The following TBX19 variants were observed in gnomAD, a reference collection of about 807,000 sequenced individuals.
The protein encoded by TBX19 is T-box transcription factor 19, also known as T-box transcription factor TBX19.
A neutral mutation model predicts 40.9 loss-of-function variants in TBX19; 33 were observed. The ratio of observed to expected loss-of-function variants is 0.81; its 90% CI spans 0.61 to 1.08. The LOEUF (loss-of-function observed/expected upper bound fraction) is 1.08. Ranked by LOEUF, TBX19 falls within the 50% of genes least tolerant of loss-of-function variation. The pLI is 0.00. For missense variants in TBX19, 494 were observed against 574.0 expected, an observed-to-expected ratio of 0.86 and a Z score of 1.42; for synonymous variants, 220 against 225.0, an observed-to-expected ratio of 0.98 and a Z score of 0.20.
chr1:168,297,871 T>C, intron 4 of TBX19, 86 bp downstream of exon 4: 2 of 1,165,764 alleles, frequency 1.7e-6, no homozygotes, highest in Non-Finnish European at 2.5e-6. Flanking sequence ...TGAAAGGAAC[T>C]AGACTAGTAG....
intron 1 of TBX19, 62 bp from the exon 2 acceptor site, chr1:168,291,098 T>G (rs1327543078): frequency 1.2e-6 from 2 of 1,611,910 alleles, no homozygotes; most frequent in African/African-American, 2.7e-5. Flanking sequence ...GAGAGGCCCC[T>G]GGACAAGGTG....
rs1248395403 is a variant in TBX19 at position 168,281,214 on chromosome 1, C to G, written c.124C>G (p.Gln42Glu). Reference sequence around the variant, plus strand: ...AGGCGACCCTACGGAGAAGCAACTTCAGATCATCCTGGAGGATGCACCTCT... The same window carrying G: ...AGGCGACCCTACGGAGAAGCAACTTGAGATCATCCTGGAGGATGCACCTCT... ...EKGDPTEKQL[Q>E]IILEDAPLWQ... The change falls in exon 1 of 8, where the codon CAG (glutamine) becomes GAG (glutamate). Residue 42 changes from glutamine (Q) to glutamate (E), a missense_variant. Coordinates refer to ENST00000367821, the MANE Select transcript of TBX19 (RefSeq NM_005149.3). 2.5e-6 allele frequency: 4 copies of G among 1,614,166 alleles called. No homozygotes were observed. The highest frequency in any genetic ancestry group is 3.4e-6 in the Non-Finnish European group (4 of 1,180,010).
intron 1 of TBX19, among the ~76,000 whole-genome samples, chr1:168,289,869 A>G (rs1166186580): frequency 1.3e-5 from 2 of 152,120 alleles, no homozygotes; most frequent in Non-Finnish European, 2.9e-5. Flanking sequence ...GGCAGAAACT[A>G]CTTCTCTGTG....
chr1:168,289,967 G>T (rs778946902), intron 1 of TBX19, among the ~76,000 whole-genome samples: 5 of 152,174 alleles, frequency 3.3e-5, no homozygotes, highest in Non-Finnish European at 7.3e-5. Flanking sequence ...TCTGAGGCAG[G>T]TGGATCGCCT....
intron 1 of TBX19, among the ~76,000 whole-genome samples, chr1:168,285,454 T>C (rs1003503): frequency 0.65 from 98,658 of 152,152 alleles, 32,145 homozygotes; most frequent in Non-Finnish European, 0.68. Flanking sequence ...CTCTTTCTTC[T>C]TGCAAACCTC....
Position 168,280,984 on chromosome 1 carries a change from C to T in TBX19, c.-107C>T. 9.4e-7 allele frequency: 1 copy of T among 1,067,404 alleles called. No individual in the cohort carries two copies. 66.1% of individuals were successfully genotyped at this position (1,067,404 alleles called of 1,614,324 possible). On this transcript the variant is annotated 5_prime_UTR_variant, in exon 1 of 8. Coordinates refer to ENST00000367821, the MANE Select transcript of TBX19 (RefSeq NM_005149.3). ...AGAGCCAGGGTATCTTCTCTCCGCT[C>T]CCCAAGCACTGTTCAAGTGGGTTTG...
rs1649565903 is a variant in TBX19, at chr1:168,313,058, A to C, written c.*56A>C. On this transcript the variant is annotated 3_prime_UTR_variant, in exon 8 of 8. Coordinates refer to ENST00000367821, the MANE Select transcript of TBX19 (RefSeq NM_005149.3). ...ATCCTTCCATGTGTAGAGTGCTTAGAAACCCCATCAACTGATCTAGTGAGT... is the reference window on the plus strand; with the variant it reads ...ATCCTTCCATGTGTAGAGTGCTTAGCAACCCCATCAACTGATCTAGTGAGT... The C allele has an allele frequency of 1.0e-5, 16 of 1,601,640 alleles. No individual in the cohort carries two copies. Among genetic ancestry groups the C allele is most frequent in the Non-Finnish European group, 1.3e-5 (15 of 1,169,762 alleles).
chr1:168,309,604 C>G (rs1199409560), intron 7 of TBX19, among the ~76,000 whole-genome samples: 1 of 152,130 alleles, frequency 6.6e-6, no homozygotes, highest in South Asian at 2.1e-4. Flanking sequence ...TGCCTGGCCT[C>G]ACGACCCTGG....
chr1:168,310,030 G>A (rs1448619109), intron 7 of TBX19, among the ~76,000 whole-genome samples: 3 of 152,058 alleles, frequency 2.0e-5, no homozygotes, highest in South Asian at 4.1e-4. Context: ...GGCGGGGTGC[G>A]GTGGCTAACA....
intron 7 of TBX19, among the ~76,000 whole-genome samples, chr1:168,310,794 A>G (rs1649502950): frequency 6.8e-6 from 1 of 146,712 alleles, no homozygotes; most frequent in South Asian, 2.1e-4. Flanking sequence ...GTATAAAAAT[A>G]TATATTTTAA....
At chr1:168,304,908 C>T in intron 5 of TBX19, 100 bp from the exon 6 acceptor site, 1 of 1,221,944 alleles carries the variant, frequency 8.2e-7, no homozygotes, top group Middle Eastern at 2.3e-4. Flanking sequence ...GCATCAGTGT[C>T]ATTTACAAGA....
chr1:168,300,495 G>T lies in TBX19; in HGVS notation c.727+12G>T. The T allele has an allele frequency of 6.2e-7, 1 of 1,613,762 alleles. No individual in the cohort carries two copies. Among genetic ancestry groups the T allele is most frequent in the Non-Finnish European group, 8.5e-7 (1 of 1,179,776 alleles). On this transcript the variant is annotated intron_variant, in intron 5 of 7. Transcript: ENST00000367821. ...GACCTATTCTCACTGTGAGTTGGGT[G>T]TACATGAGGCGGGAGGTGCGTGGGG...
intron 3 of TBX19, 86 bp downstream of exon 3, chr1:168,293,364 G>A (rs994905459): frequency 2.7e-6 from 4 of 1,488,438 alleles, no homozygotes; most frequent in Non-Finnish European, 3.6e-6. Flanking sequence ...ATGGGCGGGG[G>A]GGGTCCTTTT....
chr1:168,291,853 G>A (rs1648952114), intron 2 of TBX19, among the ~76,000 whole-genome samples: 1 of 151,842 alleles, frequency 6.6e-6, no homozygotes, highest in African/African-American at 2.4e-5. Flanking sequence ...CTCCACTTGG[G>A]CATTATGATA....
intron 1 of TBX19, among the ~76,000 whole-genome samples, chr1:168,290,161 A>G (rs538330123): frequency 6.6e-6 from 1 of 152,308 alleles, no homozygotes; most frequent in South Asian, 2.1e-4. Context: ...AGAAGTCTAA[A>G]TAGAATAGGG....
Position 168,312,997 on chromosome 1 carries a change from G to A in TBX19, c.1342G>A (p.Gly448Ser). ...GGHHSPSSLD[G>S] is the part of the protein sequence containing the mutation. ...GCACCATTCTCCTTCCTCACTGGAT[G>A]GTTAAGCAGGATCCTAGGAGCCTCT... Residue 448 changes from glycine to serine, a missense_variant, in exon 8 of 8, where the codon GGT becomes AGT. Gly to Ser is a moderately conservative substitution (Grantham distance 56). Coordinates refer to ENST00000367821, the MANE Select transcript of TBX19 (RefSeq NM_005149.3). The A allele has an allele frequency of 4.3e-6, 7 of 1,614,176 alleles. No homozygotes were observed. The highest frequency in any genetic ancestry group is 5.9e-6 in the Non-Finnish European group (7 of 1,180,030).
chr1:168,293,192 C>G lies in TBX19; in HGVS notation c.517C>G (p.Arg173Gly), dbSNP rs371934190. ...HKYEPQVHIV[R>G]VGSAHRMVTN... ...ATATGAACCCCAGGTTCACATAGTG[C>G]GTGTTGGAAGTGCCCATCGAATGGT... The change falls in exon 3 of 8, where the codon CGT (arginine) becomes GGT (glycine). Residue 173 changes from arginine (R) to glycine (G), a missense_variant. This residue lies in a region of TBX19 where 201 missense variants were observed against 235.2 expected (regional missense o/e 0.85). Coordinates refer to ENST00000367821, the MANE Select transcript of TBX19 (RefSeq NM_005149.3). The G allele has an allele frequency of 6.2e-7, 1 of 1,613,626 alleles. No homozygotes were observed.
intron 5 of TBX19, among the ~76,000 whole-genome samples, chr1:168,301,270 C>CTT (rs35805859): frequency 8.7e-5 from 13 of 149,434 alleles, no homozygotes; most frequent in African/African-American, 2.9e-4. Context: ...GAAAAGCACT[C>CTT]TTTTTTTTTT....
chr1:168,292,466 A>G (rs191157070), intron 2 of TBX19, among the ~76,000 whole-genome samples: 1 of 152,354 alleles, frequency 6.6e-6, no homozygotes, highest in East Asian at 1.9e-4. Flanking sequence ...AATGAAAAAA[A>G]GGCAAACAAT....
Sources: allele counts gnomAD v4.1 joint callset (sites outside exome capture counted in the v4.1 genomes callset), GRCh38; gene constraint gnomAD v4.1.1; regional missense constraint gnomAD v4.1.1; transcripts MANE v1.5; gene names NCBI Gene and HGNC (gene_info 2026-07-23, HGNC 2026-07-21).